VAV2: variants seen among roughly 807,000 people sequenced by gnomAD.
VAV2 encodes vav guanine nucleotide exchange factor 2.
VAV2 carries 67 observed loss-of-function variants against 132.5 expected under a neutral mutation model. The ratio of observed to expected loss-of-function variants is 0.51; its 90% CI spans 0.42 to 0.62. The LOEUF (loss-of-function observed/expected upper bound fraction) is 0.62. VAV2 is among the 20% of genes least tolerant of loss of function. The pLI is 0.00. For synonymous variants in VAV2, 492 were observed against 443.5 expected (o/e 1.11, Z -1.37); for missense variants, 938 against 1,153.6 (o/e 0.81, Z 2.71).
intron 1 of VAV2, among the ~76,000 whole-genome samples, chr9:133,953,940 G>T (rs117369137): frequency 6.6e-6 from 1 of 152,204 alleles, no homozygotes; most frequent in Non-Finnish European, 1.5e-5. Context: ...GCTACAGCCA[G>T]CACCTGACAG....
rs1231148327 is a variant in VAV2, at chr9:133,884,773, T to C, written c.322-23341A>G. 6.6e-6 allele frequency among the ~76,000 whole-genome samples: 1 copy of C among 152,076 alleles called. No individual in the cohort carries two copies. The highest frequency in any genetic ancestry group is 6.6e-5 in the Admixed American group (1 of 15,264). On this transcript the variant is annotated intron_variant, in intron 2 of 29. Coordinates refer to ENST00000371850, the MANE Select transcript of VAV2 (RefSeq NM_001134398.2). The surrounding 1 kb of genome is among the most constrained non-coding windows in gnomAD (Gnocchi z 5.3). ...CACACGGATAAGCTTGACGGCTCCGTGAGAATGCTGGTAGGGAGCAGAACC... is the reference window on the plus strand; with the variant it reads ...CACACGGATAAGCTTGACGGCTCCGCGAGAATGCTGGTAGGGAGCAGAACC...
At chr9:133,875,362 AC>A (rs1272230846) in intron 2 of VAV2, among the ~76,000 whole-genome samples, 1 of 152,194 alleles carries the variant, frequency 6.6e-6, no homozygotes, top group African/African-American at 2.4e-5. Flanking sequence ...GGAGCTATCC[AC>A]AGCTGATGGG....
At position 133,788,455 on chromosome 9, in the gene VAV2, C is replaced by T. The variant is rs761914102; in HGVS notation, c.1306G>A (p.Val436Ile). ...TAGCTGTAGCCCTTCCGCTTGCAGA[C>T]GATGACCACCTTGTCAAACAGGAAC... Reference protein sequence around the residue: ...YLFLFDKVVIVCKRKGYSYEL... With the variant: ...YLFLFDKVVIICKRKGYSYEL... Residue 436 changes from valine (V) to isoleucine (I), a missense_variant, in exon 15 of 30, where the codon GTC becomes ATC. Coordinates refer to ENST00000371850, the MANE Select transcript of VAV2 (RefSeq NM_001134398.2). This position sits in a 1 kb window ranked among gnomAD's most constrained non-coding sequence, Gnocchi z 5.3. 9 of 1,611,286 alleles carry T rather than the reference C, an allele frequency of 5.6e-6. No individual in the cohort carries two copies. Among genetic ancestry groups the T allele is most frequent in the South Asian group, 3.3e-5 (3 of 91,014 alleles).
chr9:133,858,528 G>A (rs1015526886), intron 3 of VAV2, among the ~76,000 whole-genome samples: 1 of 152,198 alleles, frequency 6.6e-6, no homozygotes, highest in Middle Eastern at 3.4e-3. Flanking sequence ...ATCTTTCTCT[G>A]CAACCATAAT....
At chr9:133,801,389 A>G (rs754531330) in intron 9 of VAV2, among the ~76,000 whole-genome samples, 16 of 152,192 alleles carry the variant, frequency 1.1e-4, no homozygotes, top group Non-Finnish European at 1.8e-4. Flanking sequence ...GTCGCCCAAG[A>G]AGGGGAACAG....
At chr9:133,985,226 TTGTGTGTGTG>T (rs59748267) in intron 1 of VAV2, among the ~76,000 whole-genome samples, 3,602 of 137,206 alleles carry the variant, frequency 0.026, 99 homozygotes, top group African/African-American at 0.071. Context: ...TCTTGCCTTA[TTGTGTGTGTG>T]TGTGTGTGTG....
rs187955479 is a variant in VAV2, at chr9:133,818,087, G to A, written c.450-5871C>T. On this transcript the variant is annotated intron_variant, in intron 4 of 29. Transcript: ENST00000371850. Reference sequence around the variant, plus strand: ...AGAACAAAAAAGGCAGAGGGCGGCCGGGCGCGGCGGCTCACGCCTGTAATC... The same window carrying A: ...AGAACAAAAAAGGCAGAGGGCGGCCAGGCGCGGCGGCTCACGCCTGTAATC... Among the ~76,000 whole-genome samples the A allele has an allele frequency of 8.0e-3, 1,222 of 152,084 alleles. 27 individuals carry two copies. Among genetic ancestry groups the A allele is most frequent in the Admixed American group, 0.045 (691 of 15,278 alleles).
At chr9:133,871,423 C>T (rs948371382) in intron 2 of VAV2, among the ~76,000 whole-genome samples, 5 of 126,658 alleles carry the variant, frequency 3.9e-5, no homozygotes, top group African/African-American at 6.8e-5. Flanking sequence ...GATGGATGGA[C>T]AGATGGATGG....
In VAV2 at chr9:133,857,041, A is replaced by G. The variant is rs1837412135; in HGVS notation, c.380+4333T>C. 6.6e-6 allele frequency among the ~76,000 whole-genome samples: 1 copy of G among 152,138 alleles called. No individual in the cohort carries two copies. Among genetic ancestry groups the G allele is most frequent in the African/African-American group, 2.4e-5 (1 of 41,440 alleles). ...AGCCTACAGAAGAGACAAAGGTTCCAAGAGCATCCCTGCCCAAGGTCATTT... is the reference window on the plus strand; with the variant it reads ...AGCCTACAGAAGAGACAAAGGTTCCGAGAGCATCCCTGCCCAAGGTCATTT... On this transcript the variant is annotated intron_variant, in intron 3 of 29. Coordinates refer to ENST00000371850, the MANE Select transcript of VAV2 (RefSeq NM_001134398.2). The surrounding 1 kb of genome is among the most constrained non-coding windows in gnomAD (Gnocchi z 4.0).
At chr9:133,795,881 C>A (rs903710847) in intron 11 of VAV2, 145 bp from the exon 12 acceptor site, 14 of 786,626 alleles carry the variant, frequency 1.8e-5, no homozygotes, top group Non-Finnish European at 2.6e-5. Flanking sequence ...GGTTTGGCTG[C>A]CCGACACCAA....
At chr9:133,936,529 C>A (rs888904852) in intron 2 of VAV2, among the ~76,000 whole-genome samples, 1 of 152,140 alleles carries the variant, frequency 6.6e-6, no homozygotes, top group Non-Finnish European at 1.5e-5. Context: ...AGGCGTGAGC[C>A]ACCATGCCCG....
At chr9:133,985,368 G>A (rs764080962) in intron 1 of VAV2, among the ~76,000 whole-genome samples, 18 of 152,110 alleles carry the variant, frequency 1.2e-4, no homozygotes, top group East Asian at 3.9e-4. Context: ...TGCAACCTCC[G>A]CCTTCCGGGT....
chr9:133,835,421 G>A (rs964411124), intron 3 of VAV2, among the ~76,000 whole-genome samples: 14 of 141,974 alleles, frequency 9.9e-5, no homozygotes, highest in African/African-American at 3.5e-4. Context: ...GAGGGGTGGG[G>A]AGGGAGGAGA....
intron 2 of VAV2, among the ~76,000 whole-genome samples, chr9:133,914,054 C>T (rs598184): frequency 0.35 from 53,255 of 152,188 alleles, 10,072 homozygotes; most frequent in East Asian, 0.7. Flanking sequence ...CAACCAAAGA[C>T]GATGCTCACC....
intron 2 of VAV2, among the ~76,000 whole-genome samples, chr9:133,880,700 T>C (rs1197666253): frequency 1.3e-5 from 2 of 152,224 alleles, no homozygotes; most frequent in African/African-American, 2.4e-5. Flanking sequence ...GTTCATTCAT[T>C]GTAACCAAAG....
In VAV2 at chr9:133,802,323, T is replaced by TACACACACACACACACACACACAC. The variant is rs58155949; in HGVS notation, c.836+3734_836+3757dup. 5.6e-5 allele frequency among the ~76,000 whole-genome samples: 8 copies of TACACACACACACACACACACACAC among 142,096 alleles called. No homozygotes were observed. The highest frequency in any genetic ancestry group is 2.1e-4 in the African/African-American group (8 of 38,388). 93.2% of individuals were successfully genotyped at this position (142,096 alleles called of 152,430 possible). On this transcript the variant is annotated intron_variant, in intron 9 of 29. Coordinates refer to ENST00000371850, the MANE Select transcript of VAV2 (RefSeq NM_001134398.2). The surrounding 1 kb of genome is among the most constrained non-coding windows in gnomAD (Gnocchi z 5.8). ...GCACACAAACACACAAGCACGCGTGTACACACACACACACACACACACACA... is the reference window on the plus strand; with the variant it reads ...GCACACAAACACACAAGCACGCGTGTACACACACACACACACACACACACACACACACACACACACACACACACA...
Position 133,918,511 on chromosome 9 carries a change from A to T in VAV2, c.321+20592T>A, listed in dbSNP as rs1439428430. Among the ~76,000 whole-genome samples, 2 of 146,214 alleles carry T rather than the reference A, an allele frequency of 1.4e-5. No homozygotes were observed. Among genetic ancestry groups the T allele is most frequent in the East Asian group, 4.2e-4 (2 of 4,716 alleles). ...GTCAGCCTGGAATCTCTGAGCCCCA[A>T]CTAGTGCCAGGACAGTGCCAAGTCC... On this transcript the variant is annotated intron_variant, in intron 2 of 29. Transcript: ENST00000371850. This position sits in a 1 kb window ranked among gnomAD's most constrained non-coding sequence, Gnocchi z 4.7.
At chr9:133,778,156 T>A (rs1833881608) in intron 22 of VAV2, among the ~76,000 whole-genome samples, 1 of 150,934 alleles carries the variant, frequency 6.6e-6, no homozygotes, top group Admixed American at 6.6e-5. Flanking sequence ...AGCCCAGCCA[T>A]CTGCTGAAGG....
chr9:133,794,491 TC>T lies in VAV2; in HGVS notation c.1101+1176del, dbSNP rs1834627939. On this transcript the variant is annotated intron_variant, in intron 12 of 29. Coordinates refer to ENST00000371850, the MANE Select transcript of VAV2 (RefSeq NM_001134398.2). This position sits in a 1 kb window ranked among gnomAD's most constrained non-coding sequence, Gnocchi z 4.6. ...ACCGGCGGCCAAGCACTGGCCCCAC[TC>T]CCGTCCCAGCCCAACAGCAGCTATA... 1.3e-5 allele frequency among the ~76,000 whole-genome samples: 2 copies of T among 151,978 alleles called. No homozygotes were observed. The highest frequency in any genetic ancestry group is 2.9e-5 in the Non-Finnish European group (2 of 68,012).
Sources: gnomAD v4.1 joint callset for allele counts (sites outside exome capture counted in the v4.1 genomes callset) on GRCh38, gnomAD v4.1.1 for gene constraint, Gnocchi (gnomAD v3.1) non-coding constraint, MANE v1.5 for transcripts, NCBI Gene and HGNC (gene_info 2026-07-23, HGNC 2026-07-21) for gene names.